COL13A1: variants seen among roughly 807,000 people sequenced by gnomAD.
COL13A1 encodes collagen type XIII alpha 1 chain.
In COL13A1, 89 loss-of-function variants were observed where a neutral mutation model predicts 130.9. That is an observed-to-expected ratio of 0.68 (90% CI 0.57 to 0.81). The LOEUF (loss-of-function observed/expected upper bound fraction) is 0.81, where lower values mean the gene tolerates loss of function less well. COL13A1 is among the 30% of genes least tolerant of loss of function. COL13A1 has a pLI of 0.00. For synonymous variants in COL13A1, 402 were observed against 341.6 expected (o/e 1.18, Z -1.95); for missense variants, 879 against 934.6 (o/e 0.94, Z 0.78).
intron 35 of COL13A1, among the ~76,000 whole-genome samples, chr10:69,941,883 A>G (rs1017298732): frequency 2.6e-5 from 4 of 152,170 alleles, no homozygotes; most frequent in African/African-American, 9.7e-5. Context: ...CTGCTCGGAC[A>G]CCATCACGAG....
At chr10:69,837,214 A>G (rs2133125075) in intron 2 of COL13A1, among the ~76,000 whole-genome samples, 1 of 152,358 alleles carries the variant, frequency 6.6e-6, no homozygotes, top group South Asian at 2.1e-4. Flanking sequence ...AATCTGGACA[A>G]TGAGGCCCCA....
intron 9 of COL13A1, among the ~76,000 whole-genome samples, 168 bp downstream of exon 9, chr10:69,888,498 C>A (rs541947013): frequency 6.6e-6 from 1 of 152,312 alleles, no homozygotes; most frequent in African/African-American, 2.4e-5. Flanking sequence ...TCACCCCTGA[C>A]CCCAGTGGCC....
chr10:69,945,693 T>C lies in COL13A1; in HGVS notation c.1991T>C (p.Met664Thr). 6.2e-7 allele frequency: 1 copy of C among 1,613,202 alleles called. No homozygotes were observed. Among genetic ancestry groups the C allele is most frequent in the Non-Finnish European group, 8.5e-7 (1 of 1,179,600 alleles). ...GERGSKGDPG[M>T]TGPTGAAGLP... is the part of the protein sequence containing the mutation. Reference sequence around the variant, plus strand: ...CAGGGCAGCAAAGGAGACCCTGGGATGACAGGACCAACGGGAGCAGCTGGG... The same window carrying C: ...CAGGGCAGCAAAGGAGACCCTGGGACGACAGGACCAACGGGAGCAGCTGGG... The change falls in exon 37 of 41, where the codon ATG becomes ACG. Residue 664 changes from methionine (M) to threonine (T), a missense_variant. Met to Thr is a moderately conservative substitution (Grantham distance 81). Transcript: ENST00000645393.
intron 19 of COL13A1, among the ~76,000 whole-genome samples, 167 bp from the exon 20 acceptor site, chr10:69,918,895 C>T (rs2064263151): frequency 6.6e-6 from 1 of 152,344 alleles, no homozygotes; most frequent in Non-Finnish European, 1.5e-5. Context: ...CCTGATAGGC[C>T]TCCTTTGGCC....
intron 31 of COL13A1, among the ~76,000 whole-genome samples, chr10:69,934,298 C>T (rs1415590586): frequency 6.6e-6 from 1 of 152,180 alleles, no homozygotes; most frequent in African/African-American, 2.4e-5. Flanking sequence ...AAACCACTTA[C>T]TTATAATAAG....
intron 2 of COL13A1, among the ~76,000 whole-genome samples, chr10:69,839,189 C>T (rs1345573912): frequency 1.3e-5 from 2 of 152,192 alleles, no homozygotes; most frequent in Admixed American, 6.5e-5. Context: ...TTCGTTCGTT[C>T]GTTCGTTCAA....
chr10:69,831,067 T>G (rs994030765), intron 2 of COL13A1, among the ~76,000 whole-genome samples: 3 of 152,250 alleles, frequency 2.0e-5, no homozygotes, highest in Non-Finnish European at 4.4e-5. Context: ...TCTGAATGTC[T>G]GAAATATTTC....
At chr10:69,894,799 T>A in intron 12 of COL13A1, 98 bp downstream of exon 12, 1 of 1,514,244 alleles carries the variant, frequency 6.6e-7, no homozygotes, top group Non-Finnish European at 9.1e-7. Context: ...ACTTCAGTTT[T>A]AATTGACAGA....
intron 7 of COL13A1, among the ~76,000 whole-genome samples, chr10:69,884,986 T>TA (rs1367348866): frequency 6.6e-6 from 1 of 152,192 alleles, no homozygotes; most frequent in African/African-American, 2.4e-5. Flanking sequence ...TAGTAAAAGG[T>TA]AAAATGAAAG....
At chr10:69,931,548 G>A (rs972557330) in intron 30 of COL13A1, among the ~76,000 whole-genome samples, 4 of 152,174 alleles carry the variant, frequency 2.6e-5, no homozygotes, top group Admixed American at 2.0e-4. Context: ...TCTAGGAAGT[G>A]GAAAGAGCCT....
At chr10:69,832,008 G>A (rs1419478252) in intron 2 of COL13A1, among the ~76,000 whole-genome samples, 1 of 152,216 alleles carries the variant, frequency 6.6e-6, no homozygotes, top group Non-Finnish European at 1.5e-5. Flanking sequence ...ATGACGACAT[G>A]AGTGGAAAAG....
chr10:69,885,538 A>G (rs2060518521), intron 7 of COL13A1, among the ~76,000 whole-genome samples: 1 of 152,184 alleles, frequency 6.6e-6, no homozygotes, highest in Non-Finnish European at 1.5e-5. Flanking sequence ...GATCTCTGAA[A>G]AAGCCTTGGT....
At chr10:69,893,916 A>G (rs546213524) in intron 10 of COL13A1, among the ~76,000 whole-genome samples, 32 of 152,362 alleles carry the variant, frequency 2.1e-4, no homozygotes, top group Admixed American at 1.9e-3. Flanking sequence ...TAAGAGAGCC[A>G]GAGCATGCGG....
At chr10:69,849,313 G>A (rs1394693095) in intron 2 of COL13A1, among the ~76,000 whole-genome samples, 1 of 151,996 alleles carries the variant, frequency 6.6e-6, no homozygotes, top group Non-Finnish European at 1.5e-5. Flanking sequence ...TAGAGGCCCA[G>A]CTGCCTAGCC....
intron 2 of COL13A1, among the ~76,000 whole-genome samples, chr10:69,827,849 C>A (rs990625414): frequency 1.2e-4 from 19 of 152,162 alleles, no homozygotes; most frequent in Non-Finnish European, 5.9e-5. Context: ...GTAGCCAGAG[C>A]TTTGGTCACA....
rs562247363 is a variant in COL13A1, at chr10:69,936,889, C to A, written c.1797+107C>A. Reference sequence around the variant, plus strand: ...TTCCTAGAAGGCATTAGGTGACACTCCAGCCAAGGGGGTCCAGTCAGGGCA... The same window carrying A: ...TTCCTAGAAGGCATTAGGTGACACTACAGCCAAGGGGGTCCAGTCAGGGCA... On this transcript the variant is annotated intron_variant, in intron 33 of 40. Transcript: ENST00000645393. 4.3e-4 allele frequency: 566 copies of A among 1,328,452 alleles called. 3 individuals carry two copies. In the Middle Eastern group the frequency reaches 4.9e-3, roughly 11 times the overall value. The allele number at this position is 1,328,452 out of a possible 1,614,324, so 82.3% of individuals were successfully genotyped here. A position where few individuals can be genotyped will look rare whatever the true frequency, so the allele number is the denominator to read the frequency against.
intron 2 of COL13A1, among the ~76,000 whole-genome samples, chr10:69,823,827 C>CG (rs936188249): frequency 1.3e-5 from 2 of 151,972 alleles, no homozygotes; most frequent in Non-Finnish European, 2.9e-5. Context: ...AGATAGGGCC[C>CG]GGGGGTCTGG....
At chr10:69,953,067 G>A (rs2069908837) in intron 39 of COL13A1, 99 bp downstream of exon 39, 2 of 835,348 alleles carry the variant, frequency 2.4e-6, no homozygotes, top group South Asian at 2.7e-5. Context: ...AGAACCAAAT[G>A]TCTACACGGA....
chr10:69,883,890 C>A lies in COL13A1; in HGVS notation c.513+3337C>A, dbSNP rs570648091. On this transcript the variant is annotated intron_variant, in intron 7 of 40. Coordinates refer to ENST00000645393, the MANE Select transcript of COL13A1 (RefSeq NM_001368882.1). ...GAGGCTGGCTGGAAGGCACTTGCAA[C>A]AACCAAGGCCTGGACTGGAGCAGAA... Among the ~76,000 whole-genome samples, 35 of 152,274 alleles carry A rather than the reference C, an allele frequency of 2.3e-4. No homozygotes were observed. The South Asian group carries it at 6.4e-3, about 28-fold the overall frequency.
Sources: allele counts gnomAD v4.1 joint callset (sites outside exome capture counted in the v4.1 genomes callset), GRCh38; gene constraint gnomAD v4.1.1; transcripts MANE v1.5; gene names NCBI Gene and HGNC (gene_info 2026-07-23, HGNC 2026-07-21).